PDE4B: variants seen among roughly 807,000 people sequenced by gnomAD.
The protein encoded by PDE4B is 3',5'-cyclic-AMP phosphodiesterase 4B.
In PDE4B, 20 loss-of-function variants were observed where a neutral mutation model predicts 82.2. The observed-to-expected ratio is 0.24, with a 90% CI of 0.17 to 0.35. The LOEUF is 0.35. PDE4B is among the 10% of genes least tolerant of loss of function. The pLI is 1.00. For synonymous variants in PDE4B, 320 were observed against 318.9 expected (o/e 1.00, Z -0.04); for missense variants, 655 against 907.2 (o/e 0.72, Z 3.57).
intron 3 of PDE4B, chr1:66,050,621 G>A (rs1207888026): frequency 6.6e-6 from 1 of 152,072 alleles, no homozygotes; most frequent in Non-Finnish European, 1.5e-5. Flanking sequence ...TAAAAGCAAT[G>A]CCTCCAGATG....
intron 1 of PDE4B, among the ~76,000 whole-genome samples, chr1:65,893,511 A>T (rs951663530): frequency 4.6e-5 from 7 of 152,042 alleles, no homozygotes; most frequent in Admixed American, 3.9e-4. Flanking sequence ...GTTGGCATGG[A>T]TGTGGTGAAA....
intron 1 of PDE4B, among the ~76,000 whole-genome samples, chr1:65,839,036 G>A (rs568424002): frequency 2.0e-5 from 3 of 152,242 alleles, no homozygotes; most frequent in African/African-American, 7.2e-5. Flanking sequence ...GTTGTAACTT[G>A]TGGCTTGTGC....
intron 1 of PDE4B, among the ~76,000 whole-genome samples, chr1:65,881,133 A>T (rs1187395613): frequency 6.6e-6 from 1 of 152,114 alleles, no homozygotes; most frequent in Non-Finnish European, 1.5e-5. Context: ...ATGTCCCTTC[A>T]TTCAGTGCTC....
intron 1 of PDE4B, among the ~76,000 whole-genome samples, chr1:65,848,701 G>A (rs1646295429): frequency 6.6e-6 from 1 of 152,106 alleles, no homozygotes; most frequent in Admixed American, 6.6e-5. Flanking sequence ...CATTCATGTT[G>A]TTTCATGTAC....
At chr1:66,102,595 G>A (rs59079259) in intron 3 of PDE4B, among the ~76,000 whole-genome samples, 3,972 of 152,068 alleles carry the variant, frequency 0.026, 164 homozygotes, top group African/African-American at 0.092. Context: ...GATGCCTTCT[G>A]CTAAAATGCG....
intron 3 of PDE4B, among the ~76,000 whole-genome samples, chr1:65,931,653 C>A (rs1470252095): frequency 3.3e-5 from 5 of 152,192 alleles, no homozygotes; most frequent in East Asian, 3.8e-4. Flanking sequence ...CAGACAAATT[C>A]TCTTACTGAG....
At chr1:66,337,272 C>T (rs1660598632) in intron 8 of PDE4B, among the ~76,000 whole-genome samples, 2 of 152,186 alleles carry the variant, frequency 1.3e-5, no homozygotes, top group South Asian at 4.1e-4. Context: ...CCTTCTGCTG[C>T]CCTCCACCCA....
chr1:65,908,627 C>T (rs1288075909), intron 1 of PDE4B, among the ~76,000 whole-genome samples: 1 of 152,084 alleles, frequency 6.6e-6, no homozygotes, highest in Non-Finnish European at 1.5e-5. Context: ...GTGGACATTG[C>T]AGCTTGAGCC....
intron 3 of PDE4B, among the ~76,000 whole-genome samples, chr1:66,216,512 CT>C (rs1387432378): frequency 6.6e-6 from 1 of 152,130 alleles, no homozygotes; most frequent in Non-Finnish European, 1.5e-5. Flanking sequence ...TCCTGCATCA[CT>C]TTTGTGGACT....
intron 10 of PDE4B, among the ~76,000 whole-genome samples, 160 bp from the exon 11 acceptor site, chr1:66,363,008 C>T (rs1662920391): frequency 6.6e-6 from 1 of 152,136 alleles, no homozygotes; most frequent in African/African-American, 2.4e-5. Flanking sequence ...GACACCCGAC[C>T]TCCTAGGTCA....
intron 1 of PDE4B, among the ~76,000 whole-genome samples, chr1:65,853,995 T>C (rs1373712283): frequency 1.3e-5 from 2 of 152,126 alleles, no homozygotes; most frequent in Admixed American, 1.3e-4. Flanking sequence ...AATAAAACAG[T>C]CACTCACATG....
At chr1:66,300,949 G>A (rs1309256752) in intron 7 of PDE4B, among the ~76,000 whole-genome samples, 1 of 152,146 alleles carries the variant, frequency 6.6e-6, no homozygotes, top group Non-Finnish European at 1.5e-5. Context: ...AAGTGGCTGA[G>A]CTCTGAAGAT....
chr1:65,995,876 G>T (rs1651513870), intron 3 of PDE4B, among the ~76,000 whole-genome samples: 1 of 152,156 alleles, frequency 6.6e-6, no homozygotes, highest in Admixed American at 6.6e-5. Flanking sequence ...TAATTTTCAT[G>T]ATGAAGCTAA....
At chr1:65,871,392 G>A (rs182675122) in intron 1 of PDE4B, among the ~76,000 whole-genome samples, 2 of 152,276 alleles carry the variant, frequency 1.3e-5, no homozygotes, top group Non-Finnish European at 2.9e-5. Flanking sequence ...TTAACTTACA[G>A]CATGGATTAA....
chr1:66,339,298 G>A (rs1411876868), intron 8 of PDE4B, among the ~76,000 whole-genome samples: 3 of 152,214 alleles, frequency 2.0e-5, no homozygotes, highest in African/African-American at 7.2e-5. Context: ...ACAAAATGGA[G>A]TTGTATTAGT....
chr1:65,886,121 ATATT>A (rs1646773002), intron 1 of PDE4B, among the ~76,000 whole-genome samples: 1 of 151,748 alleles, frequency 6.6e-6, no homozygotes, highest in South Asian at 2.1e-4. Context: ...ACATTTGTAT[ATATT>A]TAATTAAATA....
At chr1:66,176,003 T>C (rs1646925126) in intron 3 of PDE4B, among the ~76,000 whole-genome samples, 1 of 152,176 alleles carries the variant, frequency 6.6e-6, no homozygotes, top group Non-Finnish European at 1.5e-5. Context: ...TCTTATTCAG[T>C]TTAAAAGCTA....
At chr1:65,809,433 A>G (rs1055159841) in intron 1 of PDE4B, among the ~76,000 whole-genome samples, 1 of 152,116 alleles carries the variant, frequency 6.6e-6, no homozygotes, top group Admixed American at 6.6e-5. Context: ...AGCTTTGCCA[A>G]ATGACAGCAA....
chr1:65,816,380 G>T (rs948936131), intron 1 of PDE4B, among the ~76,000 whole-genome samples: 1 of 152,034 alleles, frequency 6.6e-6, no homozygotes, highest in African/African-American at 2.4e-5. Context: ...TGCTGCTACC[G>T]AATTGATAAT....
Sources: gnomAD v4.1 joint callset for allele counts (sites outside exome capture counted in the v4.1 genomes callset) on GRCh38, gnomAD v4.1.1 for gene constraint, MANE v1.5 for transcripts, NCBI Gene and HGNC (gene_info 2026-07-23, HGNC 2026-07-21) for gene names.